The following INSC variants were observed in gnomAD, a reference collection of about 807,000 sequenced individuals.
INSC encodes INSC spindle orientation adaptor protein, also known as protein inscuteable homolog.
Under a neutral mutation model 58.6 loss-of-function variants are expected in INSC, and 67 were observed. The ratio of observed to expected loss-of-function variants is 1.14; its 90% CI spans 0.94 to 1.40. The LOEUF (loss-of-function observed/expected upper bound fraction) is 1.40. INSC is among the 40% of genes most tolerant of loss of function. The probability of loss-of-function intolerance (pLI) is 0.00; values close to 1 mark genes in which losing one functional copy is unlikely to be tolerated. For synonymous variants in INSC, 262 were observed against 276.1 expected, an observed-to-expected ratio of 0.95 and a Z score of 0.51; for missense variants, 714 against 692.0, an observed-to-expected ratio of 1.03 and a Z score of -0.36.
chr11:15,136,670 A>G (rs1848253321), intron 1 of INSC, among the ~76,000 whole-genome samples: 2 of 152,118 alleles, frequency 1.3e-5, no homozygotes, highest in South Asian at 2.1e-4. Flanking sequence ...TAGTTTTGTC[A>G]TGAGGTTGTA....
At chr11:15,232,305 A>G (rs1446751194) in intron 9 of INSC, among the ~76,000 whole-genome samples, 1 of 152,148 alleles carries the variant, frequency 6.6e-6, no homozygotes, top group East Asian at 1.9e-4. Flanking sequence ...ACAGTCTTTC[A>G]AGGCTTGAGT....
chr11:15,226,476 A>T (rs1851643472), intron 9 of INSC, among the ~76,000 whole-genome samples: 1 of 152,136 alleles, frequency 6.6e-6, no homozygotes. Flanking sequence ...TTGAACTCTG[A>T]TGTTCTAGAA....
chr11:15,148,417 T>TGA (rs2133744981), intron 1 of INSC, among the ~76,000 whole-genome samples: 1 of 152,334 alleles, frequency 6.6e-6, no homozygotes, highest in Non-Finnish European at 1.5e-5. Context: ...GTAGCAACAG[T>TGA]GAGGTGAATA....
chr11:15,112,238 G>GACAGC (rs1847586294), upstream of INSC, among the ~76,000 whole-genome samples: 1 of 152,216 alleles, frequency 6.6e-6, no homozygotes, highest in Admixed American at 6.5e-5. Flanking sequence ...AATTAAGCAG[G>GACAGC]ACAGCACAGC....
chr11:15,199,076 G>C (rs1423836859), intron 6 of INSC, among the ~76,000 whole-genome samples: 1 of 152,074 alleles, frequency 6.6e-6, no homozygotes, highest in African/African-American at 2.4e-5. Flanking sequence ...CCTCTACCCA[G>C]CTTTGTACCT....
chr11:15,161,753 T>C (rs1041874633), intron 2 of INSC, among the ~76,000 whole-genome samples: 1 of 152,204 alleles, frequency 6.6e-6, no homozygotes, highest in Admixed American at 6.5e-5. Context: ...CCATGCACAG[T>C]AAGGCCTATG....
chr11:15,180,785 T>A (rs1454918224), intron 5 of INSC, among the ~76,000 whole-genome samples: 1 of 151,310 alleles, frequency 6.6e-6, no homozygotes, highest in African/African-American at 2.4e-5. Context: ...GCTTTCCCCC[T>A]TCCCTGCCAG....
intron 9 of INSC, among the ~76,000 whole-genome samples, chr11:15,228,279 T>A (rs1429244528): frequency 6.6e-6 from 1 of 152,132 alleles, no homozygotes; most frequent in Non-Finnish European, 1.5e-5. Flanking sequence ...TGTGTAGAAG[T>A]CCCCTTCTTA....
intron 1 of INSC, among the ~76,000 whole-genome samples, chr11:15,124,675 C>G (rs551071591): frequency 1.3e-5 from 2 of 152,204 alleles, no homozygotes; most frequent in South Asian, 2.1e-4. Context: ...GGCCCCATCC[C>G]CATAGAAGCT....
chr11:15,234,438 A>G (rs553722426), intron 9 of INSC, among the ~76,000 whole-genome samples: 1 of 152,374 alleles, frequency 6.6e-6, no homozygotes, highest in Admixed American at 6.5e-5. Flanking sequence ...TATCCAGAGT[A>G]ATTAAAATGT....
In INSC at chr11:15,195,942, T is replaced by C. The variant is rs559178484; in HGVS notation, c.694-4882T>C. On this transcript the variant is annotated intron_variant, in intron 6 of 12. Coordinates refer to ENST00000379556, the MANE Select transcript of INSC (RefSeq NM_001042536.3). ...TAAGGGTGCAATTTTACTTTCATCC[T>C]ATTCCATTTTAAAACAAAAGGCTAA... Among the ~76,000 whole-genome samples, 5 of 152,350 alleles carry C rather than the reference T, an allele frequency of 3.3e-5. No individual in the cohort carries two copies. In the South Asian group the frequency reaches 1.0e-3, roughly 32 times the overall value.
chr11:15,130,674 C>T (rs2133703844), intron 1 of INSC, among the ~76,000 whole-genome samples: 3 of 152,174 alleles, frequency 2.0e-5, no homozygotes, highest in Middle Eastern at 6.8e-3. Flanking sequence ...ATGATATAAA[C>T]TCATGCTTCT....
intron 2 of INSC, among the ~76,000 whole-genome samples, chr11:15,173,649 T>A (rs1849478176): frequency 6.6e-6 from 1 of 152,144 alleles, no homozygotes; most frequent in African/African-American, 2.4e-5. Context: ...TATGCATGTA[T>A]ATGTATATGT....
At chr11:15,112,964 G>A (rs2133662603), upstream of INSC, among the ~76,000 whole-genome samples, 1 of 152,204 alleles carries the variant, frequency 6.6e-6, no homozygotes, top group East Asian at 1.9e-4. Context: ...TAAGTGATTT[G>A]TCCAAGGACT....
At chr11:15,251,546 T>A (rs67123574), downstream of INSC, among the ~76,000 whole-genome samples, 1 of 152,150 alleles carries the variant, frequency 6.6e-6, no homozygotes, top group Admixed American at 6.6e-5. Flanking sequence ...TAAATTCTTA[T>A]AATTAAACAA....
chr11:15,237,530 A>G (rs575979036), intron 10 of INSC, among the ~76,000 whole-genome samples: 2 of 152,220 alleles, frequency 1.3e-5, no homozygotes, highest in Non-Finnish European at 2.9e-5. Context: ...GTTTACCTGA[A>G]GAGAGTTTAA....
intron 1 of INSC, among the ~76,000 whole-genome samples, chr11:15,126,170 C>G (rs927862391): frequency 6.6e-6 from 1 of 152,070 alleles, no homozygotes; most frequent in African/African-American, 2.4e-5. Flanking sequence ...GAGGCTGAAA[C>G]GAAAATCAGA....
Position 15,247,040 on chromosome 11 carries a change from T to G in INSC, c.*1000T>G, listed in dbSNP as rs1046406020. On this transcript the variant is annotated 3_prime_UTR_variant, in exon 13 of 13. Transcript: ENST00000379556. ...GCACAGCTTTCGCTTTTTTTTTTTT[T>G]AGAGAGAGCTGGTTTACCAATTTCA... 5.3e-5 allele frequency: 8 copies of G among 150,344 alleles called. No individual in the cohort carries two copies. The highest frequency in any genetic ancestry group is 2.0e-4 in the African/African-American group (8 of 39,970). The allele number at this position is 150,344 out of a possible 1,614,324, so 9.3% of individuals were successfully genotyped here. A position where few individuals can be genotyped will look rare whatever the true frequency, so the allele number is the denominator to read the frequency against.
chr11:15,260,373 T>C, the INSC span, among the ~76,000 whole-genome samples: 1 of 152,294 alleles, frequency 6.6e-6, no homozygotes, highest in African/African-American at 2.4e-5. Context: ...TTATTCATTT[T>C]GTAAATGTTT....
Sources: gnomAD v4.1 joint callset for allele counts (sites outside exome capture counted in the v4.1 genomes callset) on GRCh38, gnomAD v4.1.1 for gene constraint, MANE v1.5 for transcripts, NCBI Gene and HGNC (gene_info 2026-07-23, HGNC 2026-07-21) for gene names.